Variants in MACROD2 observed in about 807,000 individuals in gnomAD.
MACROD2 encodes mono-ADP ribosylhydrolase 2, also known as ADP-ribose glycohydrolase MACROD2.
MACROD2 carries 36 observed loss-of-function variants against 70.4 expected under a neutral mutation model. That is an observed-to-expected ratio of 0.51 (90% CI 0.39 to 0.68). The LOEUF (loss-of-function observed/expected upper bound fraction) is 0.68. Ranked by LOEUF, MACROD2 falls within the 30% of genes least tolerant of loss-of-function variation. The pLI, the probability that MACROD2 is intolerant of heterozygous loss-of-function variation, is 0.00. For missense variants in MACROD2, 496 were observed against 538.4 expected, an observed-to-expected ratio of 0.92 and a Z score of 0.78; for synonymous variants, 172 against 178.8, an observed-to-expected ratio of 0.96 and a Z score of 0.30.
chr20:14,975,272 T>G (rs901668598), intron 5 of MACROD2, among the ~76,000 whole-genome samples: 3 of 152,034 alleles, frequency 2.0e-5, no homozygotes, highest in African/African-American at 7.2e-5. Flanking sequence ...ACCAGCAGGC[T>G]GAGAGGAGGA....
At chr20:15,014,896 G>A (rs182368562) in intron 5 of MACROD2, among the ~76,000 whole-genome samples, 146 of 151,610 alleles carry the variant, frequency 9.6e-4, no homozygotes, top group Admixed American at 5.2e-3. Context: ...TTTTTGATGC[G>A]ATCCCCCCTT....
At chr20:15,879,694 A>G (rs1320463666) in intron 9 of MACROD2, among the ~76,000 whole-genome samples, 2 of 152,150 alleles carry the variant, frequency 1.3e-5, no homozygotes, top group East Asian at 3.9e-4. Flanking sequence ...TGCAGAGAAA[A>G]TGAACATATA....
chr20:15,149,776 G>A (rs551614409), intron 5 of MACROD2, among the ~76,000 whole-genome samples: 8 of 152,102 alleles, frequency 5.3e-5, no homozygotes, highest in African/African-American at 1.2e-4. Context: ...ACGCAATCCC[G>A]GTCCTTGTGT....
intron 3 of MACROD2, among the ~76,000 whole-genome samples, chr20:14,366,777 C>A (rs1241862089): frequency 1.3e-5 from 2 of 152,160 alleles, no homozygotes; most frequent in Non-Finnish European, 2.9e-5. Flanking sequence ...TTCAGCCTAT[C>A]TGTGTCTTTG....
chr20:15,281,300 CT>C (rs1372458221), intron 6 of MACROD2, among the ~76,000 whole-genome samples: 1 of 152,202 alleles, frequency 6.6e-6, no homozygotes, highest in African/African-American at 2.4e-5. Context: ...CCAATCATAT[CT>C]TCCCAACAGT....
At chr20:14,843,142 A>T (rs1190112317) in intron 5 of MACROD2, among the ~76,000 whole-genome samples, 1 of 143,296 alleles carries the variant, frequency 7.0e-6, no homozygotes, top group Admixed American at 7.1e-5. Flanking sequence ...CTATCTGATC[A>T]TCTCATTTCA....
At position 15,166,777 on chromosome 20, in the gene MACROD2, A is replaced by G. The variant is rs958601577; in HGVS notation, c.419-63163A>G. ...TCCTTTAAAAATCAGAAAAAAAGCCATTCAAGATTATGATGTGGGTCTTAG... is the reference window on the plus strand; with the variant it reads ...TCCTTTAAAAATCAGAAAAAAAGCCGTTCAAGATTATGATGTGGGTCTTAG... On this transcript the variant is annotated intron_variant, in intron 5 of 17. Transcript: ENST00000684519. Among the ~76,000 whole-genome samples the G allele has an allele frequency of 2.6e-4, 39 of 151,746 alleles. 1 individual carries two copies. Among genetic ancestry groups the G allele is most frequent in the African/African-American group, 9.2e-4 (38 of 41,422 alleles).
intron 3 of MACROD2, among the ~76,000 whole-genome samples, chr20:14,364,198 G>T (rs1212407443): frequency 6.6e-6 from 1 of 152,044 alleles, no homozygotes; most frequent in Admixed American, 6.6e-5. Context: ...TCCACATTAG[G>T]GACCACCTTA....
At chr20:15,261,808 G>A (rs1295188689) in intron 6 of MACROD2, among the ~76,000 whole-genome samples, 5 of 151,840 alleles carry the variant, frequency 3.3e-5, no homozygotes, top group Non-Finnish European at 5.9e-5. Context: ...AGCTTTAATT[G>A]GACATTGAAA....
intron 6 of MACROD2, among the ~76,000 whole-genome samples, chr20:15,398,993 G>A (rs1319948176): frequency 6.6e-6 from 1 of 151,986 alleles, no homozygotes; most frequent in African/African-American, 2.4e-5. Flanking sequence ...TCATATTGTT[G>A]CTTCTGATAG....
At chr20:14,813,817 C>A (rs2122183501) in intron 5 of MACROD2, among the ~76,000 whole-genome samples, 1 of 152,042 alleles carries the variant, frequency 6.6e-6, no homozygotes, top group Non-Finnish European at 1.5e-5. Context: ...CATTGGTGAT[C>A]CACTTAACCT....
intron 6 of MACROD2, among the ~76,000 whole-genome samples, chr20:15,343,124 C>T (rs1219002891): frequency 1.3e-5 from 2 of 152,192 alleles, no homozygotes; most frequent in African/African-American, 4.8e-5. Context: ...GTCAGAATTC[C>T]TTTTGGGGCT....
At chr20:15,687,368 C>G (rs1258298640) in intron 8 of MACROD2, among the ~76,000 whole-genome samples, 2 of 151,952 alleles carry the variant, frequency 1.3e-5, no homozygotes, top group Non-Finnish European at 2.9e-5. Context: ...GCAGCTGCTG[C>G]TGCTTCTCTT....
At chr20:14,078,218 A>G (rs543188844) in intron 2 of MACROD2, among the ~76,000 whole-genome samples, 2 of 151,230 alleles carry the variant, frequency 1.3e-5, no homozygotes, top group African/African-American at 4.9e-5. Flanking sequence ...TTACCTTTTA[A>G]GTAATCTGCC....
chr20:15,302,387 C>CACACAAGACAT (rs6147301), intron 6 of MACROD2, among the ~76,000 whole-genome samples: 1 of 150,452 alleles, frequency 6.6e-6, no homozygotes, highest in African/African-American at 2.4e-5. Context: ...CACACATACA[C>CACACAAGACAT]ACATACAGAT....
chr20:15,541,861 G>A lies in MACROD2; in HGVS notation c.645+42014G>A, dbSNP rs543040647. On this transcript the variant is annotated intron_variant, in intron 8 of 17. Transcript: ENST00000684519. Reference sequence around the variant, plus strand: ...CCATAACTCCATGTAGCATACAGGCGCTCATATAATGCTCTCCCTTCCCCA... The same window carrying A: ...CCATAACTCCATGTAGCATACAGGCACTCATATAATGCTCTCCCTTCCCCA... Among the ~76,000 whole-genome samples the A allele has an allele frequency of 7.9e-5, 12 of 152,180 alleles. No individual in the cohort carries two copies. The South Asian group carries it at 8.3e-4, about 11-fold the overall frequency.
chr20:15,869,928 C>A (rs2064556042), intron 9 of MACROD2, among the ~76,000 whole-genome samples: 1 of 151,962 alleles, frequency 6.6e-6, no homozygotes, highest in African/African-American at 2.4e-5. Context: ...ATGTATTTTA[C>A]CTTCTTAGAT....
intron 5 of MACROD2, among the ~76,000 whole-genome samples, chr20:14,714,223 C>G (rs1315456350): frequency 3.9e-5 from 6 of 152,046 alleles, no homozygotes; most frequent in Non-Finnish European, 8.8e-5. Flanking sequence ...AGGCAGGGTG[C>G]AGGATAGAGG....
At chr20:15,723,908 A>G (rs1159874886) in intron 8 of MACROD2, among the ~76,000 whole-genome samples, 1 of 152,238 alleles carries the variant, frequency 6.6e-6, no homozygotes, top group East Asian at 1.9e-4. Context: ...TCTCACCAGC[A>G]ATGAATGAGA....
Sources: allele counts gnomAD v4.1 joint callset (sites outside exome capture counted in the v4.1 genomes callset), GRCh38; gene constraint gnomAD v4.1.1; transcripts MANE v1.5; gene names NCBI Gene and HGNC (gene_info 2026-07-23, HGNC 2026-07-21).